Variants in RAE1 observed in about 807,000 individuals in gnomAD.
RAE1 encodes the protein mRNA export factor RAE1.
Under a neutral mutation model 52.7 loss-of-function variants are expected in RAE1, and 13 were observed. The ratio of observed to expected loss-of-function variants is 0.25; its 90% CI spans 0.16 to 0.39. The LOEUF is 0.39. RAE1 is among the 10% of genes least tolerant of loss of function. The pLI, the probability that RAE1 is intolerant of heterozygous loss-of-function variation, is 1.00. For missense variants in RAE1, 262 were observed against 459.8 expected (o/e 0.57, Z 3.93); for synonymous variants, 164 against 153.1 (o/e 1.07, Z -0.52).
chr20:57,373,466 T>C lies in RAE1; in HGVS notation c.643-9T>C. On this transcript the variant is annotated splice_polypyrimidine_tract_variant and intron_variant, in intron 8 of 11. Transcript: ENST00000395841. Reference sequence around the variant, plus strand: ...CTGTGATTATGTCTCTTTTTTATTTTAACTGTAGCATCGGTGTGTGGCTAT... The same window carrying C: ...CTGTGATTATGTCTCTTTTTTATTTCAACTGTAGCATCGGTGTGTGGCTAT... 6.2e-7 allele frequency: 1 copy of C among 1,607,920 alleles called. No homozygotes were observed. Among genetic ancestry groups the C allele is most frequent in the Non-Finnish European group, 8.5e-7 (1 of 1,175,172 alleles).
chr20:57,364,306 A>G (rs1393175032), intron 4 of RAE1, among the ~76,000 whole-genome samples: 1 of 152,166 alleles, frequency 6.6e-6, no homozygotes, highest in Middle Eastern at 3.2e-3. Context: ...TGAGGTTGGC[A>G]TGCTCTGCTC....
chr20:57,361,592 A>G (rs1002990172), intron 4 of RAE1, among the ~76,000 whole-genome samples: 6 of 152,202 alleles, frequency 3.9e-5, no homozygotes, highest in South Asian at 2.1e-4. Context: ...AAGTCCTTCA[A>G]CCATGAATTA....
chr20:57,356,198 A>G (rs754427881), intron 3 of RAE1, among the ~76,000 whole-genome samples: 1 of 152,246 alleles, frequency 6.6e-6, no homozygotes, highest in Non-Finnish European at 1.5e-5. Flanking sequence ...GACATATCTC[A>G]TAGATGCATT....
At chr20:57,369,222 T>C (rs1350821408) in intron 8 of RAE1, among the ~76,000 whole-genome samples, 1 of 152,214 alleles carries the variant, frequency 6.6e-6, no homozygotes, top group Non-Finnish European at 1.5e-5. Flanking sequence ...CATCTTGAGG[T>C]CACAGAAAGA....
chr20:57,356,495 A>G lies in RAE1; in HGVS notation c.245A>G (p.Gln82Arg). The G allele has an allele frequency of 6.2e-7, 1 of 1,613,534 alleles. No homozygotes were observed. Among genetic ancestry groups the G allele is most frequent in the Non-Finnish European group, 8.5e-7 (1 of 1,179,572 alleles). The change falls in exon 4 of 12, where the codon CAG becomes CGG. Residue 82 changes from glutamine (Q) to arginine (R), a missense_variant. Physicochemically the swap from Gln to Arg is conservative, Grantham distance 43. Coordinates refer to ENST00000395841, the MANE Select transcript of RAE1 (RefSeq NM_003610.4). ...QDSGQTIPKA[Q>R]QMHTGPVLDV... is the part of the protein sequence containing the mutation. ...AGTGGACAGACCATTCCAAAAGCCC[A>G]GCAGATGCACACTGGGCCTGTGCTT...
At chr20:57,354,414 A>G (rs937469836) in intron 2 of RAE1, among the ~76,000 whole-genome samples, 6 of 152,172 alleles carry the variant, frequency 3.9e-5, no homozygotes, top group Non-Finnish European at 8.8e-5. Context: ...CCATGGTTGG[A>G]GAGAGGGGAT....
chr20:57,370,215 C>G (rs942677322), intron 8 of RAE1, among the ~76,000 whole-genome samples: 1 of 152,216 alleles, frequency 6.6e-6, no homozygotes, highest in African/African-American at 2.4e-5. Flanking sequence ...CCTTTGCCCC[C>G]CATTGTTCCA....
rs1052387360 is a variant in RAE1, at chr20:57,351,706, C to T, written c.-8+284C>T. ...GCCTCTGTCCCTCCCCCTTACACGT[C>T]TGGCGTCTCGTCAGATACATGTCAG... On this transcript the variant is annotated intron_variant, in intron 1 of 11. Coordinates refer to ENST00000395841, the MANE Select transcript of RAE1 (RefSeq NM_003610.4). The T allele has an allele frequency of 2.4e-5, 24 of 985,422 alleles. No individual in the cohort carries two copies. The African/African-American group carries it at 4.2e-4, about 17-fold the overall frequency. The allele number at this position is 985,422 out of a possible 1,614,324, so 61.0% of individuals were successfully genotyped here.
intron 5 of RAE1, 97 bp from the exon 6 acceptor site, chr20:57,366,710 T>G (rs2066959542): frequency 1.7e-6 from 2 of 1,185,786 alleles, no homozygotes; most frequent in Non-Finnish European, 2.5e-6. Context: ...GGCCCCAGTA[T>G]TTAAATTAGT....
At chr20:57,354,922 T>C (rs1600703989) in intron 3 of RAE1, 106 bp downstream of exon 3, 1 of 804,178 alleles carries the variant, frequency 1.2e-6, no homozygotes, top group East Asian at 3.0e-5. Flanking sequence ...TGGACTTATT[T>C]ATGGCCTTTT....
intron 4 of RAE1, among the ~76,000 whole-genome samples, chr20:57,357,029 A>T (rs2066798855): frequency 6.6e-6 from 1 of 152,234 alleles, no homozygotes; most frequent in Admixed American, 6.5e-5. Context: ...TGAGAATGTT[A>T]AGGGGCCTGG....
rs78362358 is a variant in RAE1 at position 57,353,786 on chromosome 20, T to C, written c.-7-246T>C. Among the ~76,000 whole-genome samples, 312 of 152,366 alleles carry C rather than the reference T, an allele frequency of 2.0e-3. 3 individuals carry two copies. The highest frequency in any genetic ancestry group is 0.01 in the East Asian group (53 of 5,188). The stretch of plus-strand genomic sequence containing the variant: ...ACAAATGAACCGTACTAATATGAGA[T>C]AATAGGGGAAACTAGATATGGAGTG... On this transcript the variant is annotated intron_variant, in intron 1 of 11. Transcript: ENST00000395841.
rs1399040909 is a variant in RAE1 at position 57,378,262 on chromosome 20, G to A, written c.*163G>A. 3 of 589,518 alleles carry A rather than the reference G, an allele frequency of 5.1e-6. No individual in the cohort carries two copies. Among genetic ancestry groups the A allele is most frequent in the Admixed American group, 3.1e-5 (1 of 32,190 alleles). The allele number at this position is 589,518 out of a possible 1,614,324, so 36.5% of individuals were successfully genotyped here. A position where few individuals can be genotyped will look rare whatever the true frequency, so the allele number is the denominator to read the frequency against. On this transcript the variant is annotated 3_prime_UTR_variant, in exon 12 of 12. Transcript: ENST00000395841. ...AGCAGCTGAGAGCCCAGGCGTCCGCGGCGACTTGCCGTCTCTCCATTCCAC... is the reference window on the plus strand; with the variant it reads ...AGCAGCTGAGAGCCCAGGCGTCCGCAGCGACTTGCCGTCTCTCCATTCCAC...
intron 4 of RAE1, among the ~76,000 whole-genome samples, chr20:57,363,109 C>T (rs567361864): frequency 2.0e-5 from 3 of 152,194 alleles, no homozygotes; most frequent in Non-Finnish European, 2.9e-5. Flanking sequence ...AAAAGTAAAC[C>T]ATTTGCCTAT....
intron 4 of RAE1, chr20:57,359,705 G>A (rs573997457): frequency 7.9e-5 from 12 of 152,370 alleles, no homozygotes; most frequent in Admixed American, 5.2e-4. Context: ...ACATAGGTGA[G>A]TGTGCTCTTT....
intron 7 of RAE1, among the ~76,000 whole-genome samples, chr20:57,367,697 G>A (rs923178672): frequency 1.4e-5 from 2 of 147,268 alleles, no homozygotes; most frequent in African/African-American, 5.1e-5. Flanking sequence ...CTGAGATCAC[G>A]CTGTTGCACT....
rs189419269 is a variant in RAE1 at position 57,352,869 on chromosome 20, A to C, written c.-7-1163A>C. On this transcript the variant is annotated intron_variant, in intron 1 of 11. Coordinates refer to ENST00000395841, the MANE Select transcript of RAE1 (RefSeq NM_003610.4). ...TTGTCATGCCTTTGTTCGTTCATAC[A>C]GCCAACTGGTGTTTCAAGTACCTCT... 1.4e-4 allele frequency among the ~76,000 whole-genome samples: 22 copies of C among 152,354 alleles called. No individual in the cohort carries two copies. The East Asian group carries it at 3.9e-3, about 27-fold the overall frequency.
At position 57,354,759 on chromosome 20, in the gene RAE1, T is replaced by C. The variant is rs549119898; in HGVS notation, c.138T>C (p.Ser46=). The C allele has an allele frequency of 6.2e-7, 1 of 1,604,582 alleles. No homozygotes were observed. The highest frequency in any genetic ancestry group is 2.3e-5 in the East Asian group (1 of 43,730). The change falls in exon 3 of 12, where the codon TCT becomes TCC. Residue 46 remains serine (S), a synonymous_variant. Coordinates refer to ENST00000395841, the MANE Select transcript of RAE1 (RefSeq NM_003610.4). ...SSPDDSIGCL[S]FSPPTLPGNF... Reference sequence around the variant, plus strand: ...CTGATGATAGCATTGGTTGTCTGTCTTTTAGCCCACCAACCTTGCCGGGGA... The same window carrying C: ...CTGATGATAGCATTGGTTGTCTGTCCTTTAGCCCACCAACCTTGCCGGGGA...
intron 3 of RAE1, among the ~76,000 whole-genome samples, chr20:57,356,099 A>G (rs1306705216): frequency 2.0e-5 from 3 of 152,114 alleles, no homozygotes; most frequent in African/African-American, 4.8e-5. Context: ...CGGAGGGGAG[A>G]TTATATAAAG....
Sources: allele counts gnomAD v4.1 joint callset (sites outside exome capture counted in the v4.1 genomes callset), GRCh38; gene constraint gnomAD v4.1.1; transcripts MANE v1.5; gene names NCBI Gene and HGNC (gene_info 2026-07-23, HGNC 2026-07-21).